TBC1D8B: variants seen among roughly 807,000 people sequenced by gnomAD.
TBC1D8B encodes the protein TBC1 domain family member 8B, also known as RP11-321G1.1.
Under a neutral mutation model 82.9 loss-of-function variants are expected in TBC1D8B, and 75 were observed. The observed-to-expected ratio is 0.90, with a 90% CI of 0.75 to 1.10. The LOEUF (loss-of-function observed/expected upper bound fraction) is 1.10, where lower values mean the gene tolerates loss of function less well. TBC1D8B is among the 50% of genes least tolerant of loss of function. The pLI is 0.00. For missense variants in TBC1D8B, 794 were observed against 796.9 expected (o/e 1.00, Z 0.04); for synonymous variants, 276 against 276.8 (o/e 1.00, Z 0.03).
At position 106,823,351 on chromosome X, in the gene TBC1D8B, A is replaced by G. The variant is rs1444243058; in HGVS notation, c.712A>G (p.Asn238Asp). The G allele has an allele frequency of 5.0e-6, 6 of 1,208,947 alleles. No individual in the cohort carries two copies. Among genetic ancestry groups the G allele is most frequent in the Middle Eastern group, 4.6e-4 (2 of 4,355 alleles). Residue 238 changes from asparagine (N) to aspartate (D), a missense_variant, in exon 5 of 21, where the codon AAC becomes GAC. By Grantham distance (23) the Asn-to-Asp change is conservative (BLOSUM62 1). Coordinates refer to ENST00000357242, the MANE Select transcript of TBC1D8B (RefSeq NM_017752.3). ...CTACTTTTCAATGTTTTTGCACATTAACCAAACATACCTTCTTATGGAACA... is the reference window on the plus strand; with the variant it reads ...CTACTTTTCAATGTTTTTGCACATTGACCAAACATACCTTCTTATGGAACA... ...NHYFSMFLHI[N>D]QTYLLMEQLA...
rs770218286 is a variant in TBC1D8B at position 106,869,171 on chromosome X, T to C, written c.2813-314T>C. Among the ~76,000 whole-genome samples, 6 of 111,879 alleles carry C rather than the reference T, an allele frequency of 5.4e-5. No homozygotes were observed. In the Admixed American group the frequency reaches 5.7e-4, roughly 11 times the overall value. ...CTTCTGACGTCCAGTATGTGCTTTT[T>C]TTCTCCTGATAATAAAAGTAATATA... On this transcript the variant is annotated intron_variant, in intron 18 of 20. Transcript: ENST00000357242.
rs1208422386 is a variant in TBC1D8B, at chrX:106,875,860, T to C, written c.*1895T>C. On this transcript the variant is annotated 3_prime_UTR_variant, in exon 21 of 21. Coordinates refer to ENST00000357242, the MANE Select transcript of TBC1D8B (RefSeq NM_017752.3). ...GATTGCTGAGTATTATACTTTAGGC[T>C]AGATTAATTAAAATTGAATACTGAA... is the stretch of plus-strand genomic sequence containing the variant. 2 of 112,522 alleles carry C rather than the reference T, an allele frequency of 1.8e-5. No homozygotes were observed. Among genetic ancestry groups the C allele is most frequent in the African/African-American group, 3.2e-5 (1 of 31,006 alleles). 9.3% of individuals were successfully genotyped at this position (112,522 alleles called of 1,213,427 possible).
In TBC1D8B at chrX:106,818,646, T is replaced by C. The variant is rs1174047728; in HGVS notation, c.131-17T>C. On this transcript the variant is annotated splice_polypyrimidine_tract_variant and intron_variant, in intron 1 of 20. Transcript: ENST00000357242. Reference sequence around the variant, plus strand: ...TCTTGTAAAGTCCTTATTTCAACAATCTTTCTATTACAACAGGGCTTCTGG... The same window carrying C: ...TCTTGTAAAGTCCTTATTTCAACAACCTTTCTATTACAACAGGGCTTCTGG... 1 of 1,138,939 alleles carries C rather than the reference T, an allele frequency of 8.8e-7. No homozygotes were observed. Among genetic ancestry groups the C allele is most frequent in the Admixed American group, 2.3e-5 (1 of 42,931 alleles). 93.9% of individuals were successfully genotyped at this position (1,138,939 alleles called of 1,213,427 possible). A position where few individuals can be genotyped will look rare whatever the true frequency, so the allele number is the denominator to read the frequency against.
At chrX:106,834,650 A>C (rs1932127608) in intron 7 of TBC1D8B, among the ~76,000 whole-genome samples, 1 of 112,259 alleles carries the variant, frequency 8.9e-6, no homozygotes, top group South Asian at 3.7e-4. Flanking sequence ...CAAGTTAGTT[A>C]CTTCCTAGAG....
rs889041213 is a variant in TBC1D8B, at chrX:106,823,978, T to G, written c.827+512T>G. ...GGACCTCAGTTTCCTCATCTGTCATTTCTACCTCAGAGGGCACTTATGAGG... is the reference window on the plus strand; with the variant it reads ...GGACCTCAGTTTCCTCATCTGTCATGTCTACCTCAGAGGGCACTTATGAGG... On this transcript the variant is annotated intron_variant, in intron 5 of 20. Coordinates refer to ENST00000357242, the MANE Select transcript of TBC1D8B (RefSeq NM_017752.3). 3.6e-5 allele frequency among the ~76,000 whole-genome samples: 4 copies of G among 111,714 alleles called. 1 individual carries two copies. The highest frequency in any genetic ancestry group is 1.3e-4 in the African/African-American group (4 of 30,816).
chrX:106,844,496 CATATATATATAAACAT>C (rs1467125868), intron 10 of TBC1D8B, among the ~76,000 whole-genome samples: 8 of 99,499 alleles, frequency 8.0e-5, no homozygotes, highest in African/African-American at 3.2e-4. Context: ...TATATATAAA[CATATATATATAAACAT>C]ATATATATAT....
chrX:106,813,570 AG>A (rs1264863985), intron 1 of TBC1D8B, among the ~76,000 whole-genome samples: 5 of 111,860 alleles, frequency 4.5e-5, no homozygotes. Context: ...ATCTTTCAAC[AG>A]TATCTTCAAA....
chrX:106,874,229 C>T lies in TBC1D8B; in HGVS notation c.*264C>T. 1 of 235,803 alleles carries T rather than the reference C, an allele frequency of 4.2e-6. No homozygotes were observed. The highest frequency in any genetic ancestry group is 7.1e-5 in the East Asian group (1 of 13,996). 19.4% of individuals were successfully genotyped at this position (235,803 alleles called of 1,213,427 possible). On this transcript the variant is annotated 3_prime_UTR_variant, in exon 21 of 21. Transcript: ENST00000357242. The stretch of plus-strand genomic sequence containing the variant: ...GATGATATTCTCAAATACAAATATA[C>T]TTTTTTATATTTCACAATATATGCA...
intron 7 of TBC1D8B, among the ~76,000 whole-genome samples, chrX:106,832,291 T>C (rs1010720888): frequency 1.3e-4 from 14 of 111,741 alleles, no homozygotes; most frequent in Middle Eastern, 4.7e-3. Context: ...ATCCAAGTTT[T>C]TATATGGGTA....
chrX:106,812,103 C>T (rs761606812), intron 1 of TBC1D8B, among the ~76,000 whole-genome samples: 1 of 108,199 alleles, frequency 9.2e-6, no homozygotes, highest in African/African-American at 3.6e-5. Context: ...TTCCGAAGCT[C>T]TTAATATAAA....
Position 106,820,994 on chromosome X carries a change from G to A in TBC1D8B, c.359G>A (p.Arg120Lys). Residue 120 changes from arginine (R) to lysine (K), a missense_variant and splice_region_variant, in exon 3 of 21, where the codon AGA becomes AAA. Arg to Lys is a conservative substitution (Grantham distance 26). Coordinates refer to ENST00000357242, the MANE Select transcript of TBC1D8B (RefSeq NM_017752.3). ...ACTAATTTTGTACAAGGAAAAATAAGAGTAAGTGGCACGGATATATCTTGT... is the reference window on the plus strand; with the variant it reads ...ACTAATTTTGTACAAGGAAAAATAAAAGTAAGTGGCACGGATATATCTTGT... The part of the protein sequence containing the change: ...DITNFVQGKI[R>K]GLIAEEGKHC... The A allele has an allele frequency of 9.2e-7, 1 of 1,086,102 alleles. No homozygotes were observed. Among genetic ancestry groups the A allele is most frequent in the South Asian group, 2.1e-5 (1 of 47,198 alleles). 89.5% of individuals were successfully genotyped at this position (1,086,102 alleles called of 1,213,427 possible). A position where few individuals can be genotyped will look rare whatever the true frequency, so the allele number is the denominator to read the frequency against.
rs1206993981 is a variant in TBC1D8B at position 106,853,567 on chromosome X, G to A, written c.2170G>A (p.Val724Ile). 11 of 1,204,775 alleles carry A rather than the reference G, an allele frequency of 9.1e-6. No individual in the cohort carries two copies. The highest frequency in any genetic ancestry group is 2.2e-5 in the Admixed American group (1 of 45,668). ...TAAGGATAGTCCATTGCCTTCAAATGTTCAGCAAGGTTCAAATGTGAGTGA... is the reference window on the plus strand; with the variant it reads ...TAAGGATAGTCCATTGCCTTCAAATATTCAGCAAGGTTCAAATGTGAGTGA... Reference protein sequence around the residue: ...TNKDSPLPSNVQQGSNVSDEK... With the variant: ...TNKDSPLPSNIQQGSNVSDEK... The change falls in exon 13 of 21, where the codon GTT (valine) becomes ATT (isoleucine). Residue 724 changes from valine (V) to isoleucine (I), a missense_variant. By Grantham distance (29) the Val-to-Ile change is conservative (BLOSUM62 3). Coordinates refer to ENST00000357242, the MANE Select transcript of TBC1D8B (RefSeq NM_017752.3).
At chrX:106,810,866 G>A (rs746820173) in intron 1 of TBC1D8B, among the ~76,000 whole-genome samples, 18 of 111,467 alleles carry the variant, frequency 1.6e-4, no homozygotes, top group Non-Finnish European at 3.2e-4. Context: ...AACCTTGTAG[G>A]AGGTTTTGAA....
At chrX:106,840,914 G>A in intron 10 of TBC1D8B, 30 bp downstream of exon 10, 1 of 1,142,249 alleles carries the variant, frequency 8.8e-7, no homozygotes, top group Non-Finnish European at 1.2e-6. Context: ...CCAACTGTGT[G>A]TATGTTCCAA....
At chrX:106,810,668 T>A (rs1045480324) in intron 1 of TBC1D8B, among the ~76,000 whole-genome samples, 2 of 112,068 alleles carry the variant, frequency 1.8e-5, no homozygotes, top group African/African-American at 6.5e-5. Context: ...CTATCAGATA[T>A]CCACTAGAAG....
chrX:106,811,594 C>A (rs6652949), intron 1 of TBC1D8B, among the ~76,000 whole-genome samples: 1 of 111,793 alleles, frequency 8.9e-6, no homozygotes, highest in African/African-American at 3.3e-5. Flanking sequence ...TAGTTGCTCT[C>A]TTGTTTTAAA....
At chrX:106,803,531 G>C (rs951815128) in intron 1 of TBC1D8B, among the ~76,000 whole-genome samples, 34 of 110,741 alleles carry the variant, frequency 3.1e-4, no homozygotes, top group Non-Finnish European at 4.9e-4. Flanking sequence ...AGAGGTGGAG[G>C]GGTAGGCTCA....
In TBC1D8B at chrX:106,818,671, G is replaced by T; in HGVS notation, c.139G>T (p.Val47Phe). Residue 47 changes from valine (V) to phenylalanine (F), a missense_variant, in exon 2 of 21, where the codon GTT (valine) becomes TTT (phenylalanine). Val to Phe is a conservative substitution (Grantham distance 50). Transcript: ENST00000357242. ...EGGGGLTGLLVGTLDSVLDST... is the reference protein window; with the variant it reads ...EGGGGLTGLLFGTLDSVLDST... ...TCTTTCTATTACAACAGGGCTTCTG[G>T]TTGGGACTCTTGATTCAGTCTTGGA... The T allele has an allele frequency of 1.7e-6, 2 of 1,200,809 alleles. No homozygotes were observed. Among genetic ancestry groups the T allele is most frequent in the South Asian group, 3.6e-5 (2 of 54,801 alleles).
At chrX:106,803,005 T>G (rs374526714) in intron 1 of TBC1D8B, 22 bp downstream of exon 1, 7 of 1,189,022 alleles carry the variant, frequency 5.9e-6, no homozygotes, top group Non-Finnish European at 7.9e-6. Context: ...CCACCCTACC[T>G]GCCTCTGGGC....
Sources: gnomAD v4.1 joint callset for allele counts (sites outside exome capture counted in the v4.1 genomes callset) on GRCh38, gnomAD v4.1.1 for gene constraint, MANE v1.5 for transcripts, NCBI Gene and HGNC (gene_info 2026-07-23, HGNC 2026-07-21) for gene names.